Variants in PLXNA4 observed in about 807,000 individuals in gnomAD.
The protein encoded by PLXNA4 is plexin A4.
Under a neutral mutation model 191.8 loss-of-function variants are expected in PLXNA4, and 44 were observed. The ratio of observed to expected loss-of-function variants is 0.23; its 90% CI spans 0.18 to 0.29. The LOEUF is 0.29. Among genes scored for constraint, PLXNA4 ranks in the 10% least tolerant of loss-of-function variants. The pLI is 1.00. For missense variants in PLXNA4, 1,800 were observed against 2,488.8 expected, an observed-to-expected ratio of 0.72 and a Z score of 5.89; for synonymous variants, 1,082 against 1,009.5, an observed-to-expected ratio of 1.07 and a Z score of -1.36.
At chr7:132,450,002 C>G (rs1796061814) in intron 3 of PLXNA4, among the ~76,000 whole-genome samples, 1 of 152,226 alleles carries the variant, frequency 6.6e-6, no homozygotes, top group African/African-American at 2.4e-5. Context: ...CTCCCAGTCA[C>G]ACTGTCCATT....
chr7:132,552,597 G>A (rs1364184850), intron 1 of PLXNA4, among the ~76,000 whole-genome samples: 1 of 152,186 alleles, frequency 6.6e-6, no homozygotes, highest in African/African-American at 2.4e-5. Context: ...AGAATAAAAA[G>A]TCCTTCTGCA....
chr7:132,493,004 C>A (rs900544349), intron 2 of PLXNA4, among the ~76,000 whole-genome samples: 1 of 152,058 alleles, frequency 6.6e-6, no homozygotes, highest in Non-Finnish European at 1.5e-5. Flanking sequence ...AATTACAGTA[C>A]CTGAAGCAGG....
chr7:132,484,175 T>A (rs1797449533), intron 3 of PLXNA4, among the ~76,000 whole-genome samples: 1 of 152,096 alleles, frequency 6.6e-6, no homozygotes, highest in South Asian at 2.1e-4. Context: ...GAGTAAAACT[T>A]GGGAAGAAAG....
At chr7:132,348,183 G>T (rs1803325641) in intron 3 of PLXNA4, among the ~76,000 whole-genome samples, 1 of 152,176 alleles carries the variant, frequency 6.6e-6, no homozygotes, top group Non-Finnish European at 1.5e-5. Context: ...TGGCCCTTCT[G>T]CTCACTCACT....
chr7:132,259,482 G>GAAAAAAAAAAAAAAAAAAAA (rs1414792493), intron 4 of PLXNA4, among the ~76,000 whole-genome samples: 3 of 111,358 alleles, frequency 2.7e-5, no homozygotes, highest in African/African-American at 3.5e-5. Flanking sequence ...AAGAAAAAAG[G>GAAAAAAAAAAAAAAAAAAAA]AAAAAAGAAA....
intron 3 of PLXNA4, among the ~76,000 whole-genome samples, chr7:132,300,696 G>T (rs1801271630): frequency 6.6e-6 from 1 of 152,246 alleles, no homozygotes; most frequent in African/African-American, 2.4e-5. Context: ...ACCGTGCAAT[G>T]ATGGCCTTGG....
rs145369767 is a variant in PLXNA4 at position 132,475,125 on chromosome 7, G to A, written c.1371+14167C>T. On this transcript the variant is annotated intron_variant, in intron 3 of 31. Transcript: ENST00000321063. ...CTGGCTCTTAACAATTTAGAGGGATGGCTGGCCCCAGACACAGACCAGGGC... is the reference window on the plus strand; with the variant it reads ...CTGGCTCTTAACAATTTAGAGGGATAGCTGGCCCCAGACACAGACCAGGGC... Among the ~76,000 whole-genome samples, 5 of 152,280 alleles carry A rather than the reference G, an allele frequency of 3.3e-5. No individual in the cohort carries two copies. In the East Asian group the frequency reaches 9.7e-4, roughly 29 times the overall value.
At chr7:132,603,902 T>C (rs988254089) in intron 2 of PLXNA4, among the ~76,000 whole-genome samples, 1 of 152,226 alleles carries the variant, frequency 6.6e-6, no homozygotes, top group Non-Finnish European at 1.5e-5. Flanking sequence ...TTGTTTCAAA[T>C]AGATCTAAAT....
intron 3 of PLXNA4, among the ~76,000 whole-genome samples, chr7:132,475,555 C>A (rs927351518): frequency 5.3e-5 from 8 of 152,104 alleles, no homozygotes; most frequent in Admixed American, 6.6e-5. Context: ...GAACAAGAAT[C>A]CAGACAAAAG....
chr7:132,620,943 G>C (rs1015155955), intron 2 of PLXNA4, among the ~76,000 whole-genome samples: 1 of 152,134 alleles, frequency 6.6e-6, no homozygotes, highest in Non-Finnish European at 1.5e-5. Flanking sequence ...TTCTTGGTTT[G>C]CAGATGGCCT....
rs28731210 is a variant in PLXNA4, at chr7:132,630,940, C to T, written c.-87+14988G>A. On this transcript the variant is annotated intron_variant, in intron 2 of 4. Coordinates refer to the PLXNA4 transcript ENST00000378539. ...TGTTAAACTGCAACCTTTATTATGA[C>T]TCTCCCTAACTAAAACCCTTCAACT... is the stretch of plus-strand genomic sequence containing the variant. Among the ~76,000 whole-genome samples the T allele has an allele frequency of 1.4e-3, 208 of 152,296 alleles. 1 individual carries two copies. Among genetic ancestry groups the T allele is most frequent in the African/African-American group, 4.6e-3 (192 of 41,558 alleles).
chr7:132,133,518 A>T (rs1287707458), intron 30 of PLXNA4, among the ~76,000 whole-genome samples: 2 of 152,132 alleles, frequency 1.3e-5, no homozygotes, highest in Non-Finnish European at 2.9e-5. Context: ...TACCACACAG[A>T]GAGGTCTAGA....
intron 3 of PLXNA4, among the ~76,000 whole-genome samples, chr7:132,373,318 C>G (rs779549485): frequency 6.6e-6 from 1 of 152,116 alleles, no homozygotes; most frequent in Non-Finnish European, 1.5e-5. Context: ...ATGTTCTCTC[C>G]AAGGTCTGGA....
intron 4 of PLXNA4, among the ~76,000 whole-genome samples, chr7:132,253,042 TAGAG>T (rs1209289134): frequency 6.6e-6 from 1 of 152,174 alleles, no homozygotes; most frequent in African/African-American, 2.4e-5. Context: ...GAATAACTTC[TAGAG>T]AGAGAGTTAC....
intron 3 of PLXNA4, among the ~76,000 whole-genome samples, chr7:132,355,234 T>C (rs559023467): frequency 2.0e-5 from 3 of 152,362 alleles, no homozygotes; most frequent in East Asian, 3.9e-4. Flanking sequence ...TGCTAAGAGA[T>C]GGCTATCACC....
upstream of PLXNA4, among the ~76,000 whole-genome samples, chr7:132,579,203 C>T (rs1002186945): frequency 3.3e-5 from 5 of 152,122 alleles, no homozygotes; most frequent in Admixed American, 6.5e-5. Flanking sequence ...CGGATAGCCC[C>T]ATGAAAGTCC....
At chr7:132,163,877 G>T (rs1796020402) in intron 24 of PLXNA4, among the ~76,000 whole-genome samples, 1 of 152,224 alleles carries the variant, frequency 6.6e-6, no homozygotes, top group South Asian at 2.1e-4. Flanking sequence ...TATAACTGGT[G>T]TGGTCAGAAA....
chr7:132,319,228 C>G (rs894423466), intron 3 of PLXNA4, among the ~76,000 whole-genome samples: 1 of 152,150 alleles, frequency 6.6e-6, no homozygotes, highest in African/African-American at 2.4e-5. Context: ...CCCTGCAGAG[C>G]TTGTGAAAAT....
intron 2 of PLXNA4, among the ~76,000 whole-genome samples, chr7:132,622,079 T>C (rs1360172193): frequency 6.6e-6 from 1 of 152,132 alleles, no homozygotes; most frequent in Non-Finnish European, 1.5e-5. Flanking sequence ...GACTTACTAC[T>C]GGGTTCTAGC....
Sources: allele counts gnomAD v4.1 joint callset (sites outside exome capture counted in the v4.1 genomes callset), GRCh38; gene constraint gnomAD v4.1.1; transcripts MANE v1.5; gene names NCBI Gene and HGNC (gene_info 2026-07-23, HGNC 2026-07-21).